KIF26B: variants seen among roughly 807,000 people sequenced by gnomAD.
The protein encoded by KIF26B is kinesin-like protein KIF26B.
In KIF26B, 63 loss-of-function variants were observed where a neutral mutation model predicts 151.2. The observed-to-expected ratio is 0.42, with a 90% CI of 0.34 to 0.51. The LOEUF (loss-of-function observed/expected upper bound fraction) is 0.51. Ranked by LOEUF, KIF26B falls within the 20% of genes least tolerant of loss-of-function variation. The pLI is 0.07. For synonymous variants in KIF26B, 1,357 were observed against 1,262.1 expected (o/e 1.08, Z -1.59); for missense variants, 2,813 against 2,913.6 (o/e 0.97, Z 0.79).
rs368728530 is a variant in KIF26B at position 245,415,159 on chromosome 1, C to T, written c.1000-4420C>T. ...AAGGGATAGACACATCTGAGGGCAT[C>T]CCTTATGCTGTTAATGACTGTTTAA... is the stretch of plus-strand genomic sequence containing the variant. On this transcript the variant is annotated intron_variant, in intron 3 of 14. Transcript: ENST00000407071. Among the ~76,000 whole-genome samples the T allele has an allele frequency of 3.6e-3, 548 of 152,240 alleles. 4 individuals are homozygous for T. The highest frequency in any genetic ancestry group is 0.013 in the African/African-American group (536 of 41,528).
chr1:245,264,927 C>T (rs7540663), intron 2 of KIF26B, among the ~76,000 whole-genome samples: 68 of 150,668 alleles, frequency 4.5e-4, no homozygotes, highest in African/African-American at 1.4e-3. Context: ...TGGCCAGGCA[C>T]GGTGGCTCAC....
chr1:245,695,926 G>A (rs1443808867), intron 12 of KIF26B, among the ~76,000 whole-genome samples: 1 of 147,638 alleles, frequency 6.8e-6, no homozygotes, highest in African/African-American at 2.5e-5. Context: ...CCTGGCACGG[G>A]TATTGGCAGG....
chr1:245,446,035 G>A (rs1659242019), intron 4 of KIF26B, among the ~76,000 whole-genome samples: 1 of 152,186 alleles, frequency 6.6e-6, no homozygotes, highest in African/African-American at 2.4e-5. Flanking sequence ...CGTTCTGAGA[G>A]AGGCATTGTT....
At position 245,602,646 on chromosome 1, in the gene KIF26B, G is replaced by A; in HGVS notation, c.1420G>A (p.Val474Met). 9 of 1,614,066 alleles carry A rather than the reference G, an allele frequency of 5.6e-6. No homozygotes were observed. The highest frequency in any genetic ancestry group is 7.6e-6 in the Non-Finnish European group (9 of 1,179,900). The part of the protein sequence containing the change: ...DTSESSSFLK[V>M]DPRKKQITLY... ...TTCAGAATCCAGCTCTTTCTTAAAG[G>A]TGGACCCACGGAAGAAGCAGATCAC... The change falls in exon 6 of 15, where the codon GTG becomes ATG. Residue 474 changes from valine to methionine, a missense_variant. This residue lies in a region of KIF26B where 676 missense variants were observed against 688.1 expected (regional missense o/e 0.98). Transcript: ENST00000407071. This position sits in a 1 kb window ranked among gnomAD's most constrained non-coding sequence, Gnocchi z 4.5.
intron 4 of KIF26B, among the ~76,000 whole-genome samples, chr1:245,491,893 G>T (rs959440271): frequency 1.3e-5 from 2 of 151,752 alleles, no homozygotes; most frequent in African/African-American, 2.4e-5. Flanking sequence ...GGGCAACAGA[G>T]CAGATAATCT....
At chr1:245,229,987 G>T (rs1402009795) in intron 2 of KIF26B, among the ~76,000 whole-genome samples, 1 of 152,110 alleles carries the variant, frequency 6.6e-6, no homozygotes, top group East Asian at 1.9e-4. Flanking sequence ...AGAAAAATTA[G>T]CTGGGCGTGG....
intron 2 of KIF26B, among the ~76,000 whole-genome samples, chr1:245,279,944 C>T (rs1290834889): frequency 6.6e-6 from 1 of 151,796 alleles, no homozygotes; most frequent in South Asian, 2.1e-4. Context: ...ATTGATTTGG[C>T]TGCTTAAATC....
chr1:245,568,669 C>G lies in KIF26B; in HGVS notation c.1350+27719C>G, dbSNP rs143814570. Among the ~76,000 whole-genome samples, 45 of 152,284 alleles carry G rather than the reference C, an allele frequency of 3.0e-4. No homozygotes were observed. The East Asian group carries it at 8.7e-3, about 29-fold the overall frequency. ...CAGCTGGCCCTGGGCGTCACAGGGT[C>G]TCATGGGGGTACCTTAAGAGGATTC... On this transcript the variant is annotated intron_variant, in intron 5 of 14. Transcript: ENST00000407071.
intron 4 of KIF26B, among the ~76,000 whole-genome samples, chr1:245,451,743 G>A (rs1029123405): frequency 1.4e-4 from 21 of 151,672 alleles, no homozygotes. Context: ...GGGATTACAG[G>A]CACCCGCCAT....
chr1:245,300,139 C>G lies in KIF26B; in HGVS notation c.466-66695C>G, dbSNP rs187584934. Reference sequence around the variant, plus strand: ...TCTTATCATCTTTCTATTTCTAGTACTTGGCCCAGATCGTGACCTAACAGC... The same window carrying G: ...TCTTATCATCTTTCTATTTCTAGTAGTTGGCCCAGATCGTGACCTAACAGC... On this transcript the variant is annotated intron_variant, in intron 2 of 14. Transcript: ENST00000407071. Among the ~76,000 whole-genome samples, 3 of 152,352 alleles carry G rather than the reference C, an allele frequency of 2.0e-5. No homozygotes were observed. In the East Asian group the frequency reaches 5.8e-4, roughly 29 times the overall value.
intron 14 of KIF26B, among the ~76,000 whole-genome samples, chr1:245,701,292 G>A (rs534993116): frequency 6.6e-6 from 1 of 152,340 alleles, no homozygotes; most frequent in East Asian, 1.9e-4. Flanking sequence ...TGGGCATGAG[G>A]CAGGGGACTG....
chr1:245,457,664 G>C (rs764740840), intron 4 of KIF26B, among the ~76,000 whole-genome samples: 5 of 152,118 alleles, frequency 3.3e-5, no homozygotes, highest in African/African-American at 4.8e-5. Context: ...TTCATGCTTT[G>C]ATGACATAAG....
intron 2 of KIF26B, among the ~76,000 whole-genome samples, chr1:245,270,229 CTTTCCCTTTCCTTTCTT>C (rs879349765): frequency 0.23 from 27,983 of 121,528 alleles, 4,694 homozygotes; most frequent in East Asian, 0.43. Context: ...TTCCTTCTTC[CTTTCCCTTTCCTTTCTT>C]CTTCCCTTCC....
chr1:245,191,293 G>A (rs1397560338), intron 2 of KIF26B, among the ~76,000 whole-genome samples: 1 of 151,544 alleles, frequency 6.6e-6, no homozygotes, highest in East Asian at 2.0e-4. Context: ...TGGCCAACAT[G>A]GTGAAACCCC....
chr1:245,648,213 C>CA (rs1373504849), intron 10 of KIF26B, among the ~76,000 whole-genome samples: 1 of 152,170 alleles, frequency 6.6e-6, no homozygotes, highest in African/African-American at 2.4e-5. Flanking sequence ...TGCAGGGCGA[C>CA]ATGCTTTTAT....
intron 2 of KIF26B, among the ~76,000 whole-genome samples, chr1:245,301,543 G>A (rs1391140794): frequency 1.3e-5 from 2 of 152,122 alleles, no homozygotes; most frequent in Non-Finnish European, 2.9e-5. Context: ...CTGGGGGTTG[G>A]ACCCAGTAGG....
At chr1:245,637,743 T>C (rs1050475187) in intron 9 of KIF26B, among the ~76,000 whole-genome samples, 2 of 152,040 alleles carry the variant, frequency 1.3e-5, no homozygotes, top group African/African-American at 2.4e-5. Flanking sequence ...CCCAGCACCA[T>C]TTATTAAAGA....
In KIF26B at chr1:245,707,324, T is replaced by C. The variant is rs987370819; in HGVS notation, c.*4718T>C. On this transcript the variant is annotated 3_prime_UTR_variant, in exon 15 of 15. Coordinates refer to ENST00000407071, the MANE Select transcript of KIF26B (RefSeq NM_018012.4). ...GGTCCACACGTGTGGAGGCGAGTACTGAAATACCACACTCACACATCTATT... is the reference window on the plus strand; with the variant it reads ...GGTCCACACGTGTGGAGGCGAGTACCGAAATACCACACTCACACATCTATT... 2.6e-4 allele frequency: 40 copies of C among 152,144 alleles called. No homozygotes were observed. Among genetic ancestry groups the C allele is most frequent in the African/African-American group, 8.9e-4 (37 of 41,430 alleles). 9.4% of individuals were successfully genotyped at this position (152,144 alleles called of 1,614,324 possible).
intron 4 of KIF26B, among the ~76,000 whole-genome samples, chr1:245,469,801 C>G (rs1425535175): frequency 2.6e-5 from 4 of 152,176 alleles, no homozygotes; most frequent in African/African-American, 9.7e-5. Flanking sequence ...CATCCCAAAC[C>G]CAGCTCACTT....
Sources: allele counts gnomAD v4.1 joint callset (sites outside exome capture counted in the v4.1 genomes callset), GRCh38; gene constraint gnomAD v4.1.1; regional missense constraint gnomAD v4.1.1; non-coding constraint Gnocchi (gnomAD v3.1); transcripts MANE v1.5; gene names NCBI Gene and HGNC (gene_info 2026-07-23, HGNC 2026-07-21).